UCP3: variants seen among roughly 807,000 people sequenced by gnomAD.
UCP3 encodes putative mitochondrial transporter UCP3.
A neutral mutation model predicts 28.1 loss-of-function variants in UCP3; 24 were observed. The observed-to-expected ratio is 0.85, with a 90% CI of 0.62 to 1.20. The LOEUF (loss-of-function observed/expected upper bound fraction) is 1.20. Ranked by LOEUF, UCP3 falls within the 50% of genes most tolerant of loss-of-function variation. The pLI, the probability that UCP3 is intolerant of heterozygous loss-of-function variation, is 0.00. For missense variants in UCP3, 397 were observed against 422.2 expected (o/e 0.94, Z 0.52); for synonymous variants, 184 against 171.2 (o/e 1.07, Z -0.59).
At position 74,003,881 on chromosome 11, in the gene UCP3, A is replaced by AC; in HGVS notation, c.769_770insG (p.Leu257ArgfsTer39). 6.2e-7 allele frequency: 1 copy of AC among 1,614,054 alleles called. No homozygotes were observed. The highest frequency in any genetic ancestry group is 1.3e-5 in the African/African-American group (1 of 75,010). Reference sequence around the variant, plus strand: ...GGCCACCATCTTTATCATACAGTCGAGGGGGCTGAAGTACTGGCCTGGAGG... The same window carrying AC: ...GGCCACCATCTTTATCATACAGTCGACGGGGGCTGAAGTACTGGCCTGGAGG... On this transcript the variant is annotated frameshift_variant, in exon 6 of 7. Transcript: ENST00000314032. LOFTEE classifies it high-confidence loss of function.
chr11:74,000,423 T>C lies in UCP3; in HGVS notation c.*989A>G, dbSNP rs1951613244. ...GCCCAACAATCCTTTGAGGTACTCA[T>C]GATTGAGCACGTGGTGGGGGGGGTG... On this transcript the variant is annotated 3_prime_UTR_variant, in exon 7 of 7. Transcript: ENST00000314032. 1.7e-5 allele frequency: 2 copies of C among 119,880 alleles called. No individual in the cohort carries two copies. The highest frequency in any genetic ancestry group is 6.2e-5 in the African/African-American group (2 of 32,426). The allele number at this position is 119,880 out of a possible 1,614,324, so 7.4% of individuals were successfully genotyped here. A position where few individuals can be genotyped will look rare whatever the true frequency, so the allele number is the denominator to read the frequency against.
At chr11:74,002,557 T>C (rs1015350120) in intron 6 of UCP3, among the ~76,000 whole-genome samples, 1 of 152,160 alleles carries the variant, frequency 6.6e-6, no homozygotes, top group African/African-American at 2.4e-5. Flanking sequence ...GGTGAGTTAA[T>C]GTTGGACAGC....
rs1951615814 is a variant in UCP3, at chr11:74,000,722, G to A, written c.*690C>T. The A allele has an allele frequency of 6.6e-6, 1 of 152,278 alleles. No homozygotes were observed. Among genetic ancestry groups the A allele is most frequent in the South Asian group, 2.1e-4 (1 of 4,826 alleles). The allele number at this position is 152,278 out of a possible 1,614,324, so 9.4% of individuals were successfully genotyped here. A position where few individuals can be genotyped will look rare whatever the true frequency, so the allele number is the denominator to read the frequency against. On this transcript the variant is annotated 3_prime_UTR_variant, in exon 7 of 7. Transcript: ENST00000314032. Reference sequence around the variant, plus strand: ...ACCCCTGGTGAGGTGGACAGGGAAGGGATGGCTCCCTCCATTTTGTAGGAA... The same window carrying A: ...ACCCCTGGTGAGGTGGACAGGGAAGAGATGGCTCCCTCCATTTTGTAGGAA...
At chr11:74,004,056 C>T (rs1158196701) in intron 5 of UCP3, 49 bp from the exon 6 acceptor site, 2 of 1,604,396 alleles carry the variant, frequency 1.2e-6, no homozygotes, top group African/African-American at 1.3e-5. Context: ...TGTGTTCTGT[C>T]CATATGTATG....
chr11:74,002,114 G>A (rs1211506543), intron 6 of UCP3: 2 of 155,892 alleles, frequency 1.3e-5, no homozygotes, highest in Admixed American at 6.3e-5. Flanking sequence ...AAGCCCACGA[G>A]CTGGCCCCTG....
chr11:74,007,561 A>G (rs1231426046), intron 1 of UCP3, among the ~76,000 whole-genome samples: 2 of 152,118 alleles, frequency 1.3e-5, no homozygotes, highest in African/African-American at 4.8e-5. Flanking sequence ...CCTCCCGAGT[A>G]GCTGGGACTA....
Position 74,001,331 on chromosome 11 carries a change from C to T in UCP3, c.*81G>A. The T allele has an allele frequency of 7.8e-7, 1 of 1,282,492 alleles. No homozygotes were observed. Among genetic ancestry groups the T allele is most frequent in the Non-Finnish European group, 1.1e-6 (1 of 885,998 alleles). The allele number at this position is 1,282,492 out of a possible 1,614,324, so 79.4% of individuals were successfully genotyped here. On this transcript the variant is annotated 3_prime_UTR_variant, in exon 7 of 7. Coordinates refer to ENST00000314032, the MANE Select transcript of UCP3 (RefSeq NM_003356.4). ...CTGTAAACATGTGTGGGTCTGTGTCCATGTGTGCGTGGATGCACCGTTTTC... is the reference window on the plus strand; with the variant it reads ...CTGTAAACATGTGTGGGTCTGTGTCTATGTGTGCGTGGATGCACCGTTTTC...
At position 74,004,543 on chromosome 11, in the gene UCP3, G is replaced by T. The variant is rs752571562; in HGVS notation, c.584C>A (p.Ala195Asp). 3 of 1,614,074 alleles carry T rather than the reference G, an allele frequency of 1.9e-6. No homozygotes were observed. In the East Asian group the frequency reaches 6.7e-5, roughly 36 times the overall value. The change falls in exon 5 of 7, where the codon GCT becomes GAT. Residue 195 changes from alanine (A) to aspartate (D), a missense_variant. By Grantham distance (126) the Ala-to-Asp change is moderately radical. Transcript: ENST00000314032. ...GAGGATGTCGTAGGTCACCACCTCA[G>T]CACAGTTGACGATAGCATTCCTCAT... ...NIMRNAIVNC[A>D]EVVTYDILKE... is the part of the protein sequence containing the mutation.
At chr11:74,002,844 T>C (rs546729912) in intron 6 of UCP3, 1 of 985,464 alleles carries the variant, frequency 1.0e-6, no homozygotes, top group African/African-American at 1.7e-5. Context: ...TTGGGTCCAT[T>C]CTAACACTGG....
chr11:74,008,105 T>C (rs529845110), intron 1 of UCP3, among the ~76,000 whole-genome samples: 52 of 152,324 alleles, frequency 3.4e-4, no homozygotes, highest in African/African-American at 1.2e-3. Context: ...GTTGCTATTA[T>C]TATTCTCATT....
chr11:74,004,374 C>G, intron 5 of UCP3, 110 bp downstream of exon 5: 2 of 1,001,282 alleles, frequency 2.0e-6, no homozygotes, highest in Non-Finnish European at 3.0e-6. Flanking sequence ...CACTGCTTCT[C>G]TCTCTGCTCC....
chr11:74,004,123 T>C, intron 5 of UCP3, 116 bp from the exon 6 acceptor site: 1 of 1,508,704 alleles, frequency 6.6e-7, no homozygotes, highest in Non-Finnish European at 9.0e-7. Flanking sequence ...GTATTTTCCA[T>C]ATCTCTCACA....
chr11:74,007,055 C>T lies in UCP3; in HGVS notation c.-13G>A, dbSNP rs1225715414. ...TCAGTCCAACCATAGTCCTGGAAGG[C>T]TCTGCCCAGTCCCTTTAGGGCCGAG... On this transcript the variant is annotated 5_prime_UTR_variant, in exon 2 of 7. Coordinates refer to ENST00000314032, the MANE Select transcript of UCP3 (RefSeq NM_003356.4). 1.1e-5 allele frequency: 18 copies of T among 1,613,676 alleles called. No homozygotes were observed. Among genetic ancestry groups the T allele is most frequent in the Non-Finnish European group, 1.4e-5 (17 of 1,180,006 alleles).
rs1277756503 is a variant in UCP3, at chr11:74,003,889, G to A, written c.762C>T (p.Phe254=). 2 of 1,614,158 alleles carry A rather than the reference G, an allele frequency of 1.2e-6. No individual in the cohort carries two copies. Among genetic ancestry groups the A allele is most frequent in the Non-Finnish European group, 1.7e-6 (2 of 1,180,040 alleles). The change falls in exon 6 of 7, where the codon TTC becomes TTT. Residue 254 remains phenylalanine, a synonymous_variant. Transcript: ENST00000314032. ...TCTTTATCATACAGTCGAGGGGGCT[G>A]AAGTACTGGCCTGGAGGTGAGTTCA... ...RYMNSPPGQY[F]SPLDCMIKMV...
At chr11:74,006,683 T>G (rs1951669687) in intron 2 of UCP3, among the ~76,000 whole-genome samples, 1 of 152,248 alleles carries the variant, frequency 6.6e-6, no homozygotes, top group Admixed American at 6.5e-5. Flanking sequence ...CACTGCATGC[T>G]TTACAAAGTA....
intron 4 of UCP3, 79 bp downstream of exon 4, chr11:74,005,651 C>G (rs1366295015): frequency 6.5e-7 from 1 of 1,530,768 alleles, no homozygotes; most frequent in Non-Finnish European, 9.0e-7. Flanking sequence ...GGAGTCCCCT[C>G]CTTACTGGGG....
At chr11:74,004,652 T>C (rs1359666218) in intron 4 of UCP3, 67 bp from the exon 5 acceptor site, 27 of 1,477,782 alleles carry the variant, frequency 1.8e-5, no homozygotes, top group Non-Finnish European at 6.6e-6. Flanking sequence ...ATGGGAGAAA[T>C]GGATGCCCTG....
chr11:74,005,858 T>C lies in UCP3; in HGVS notation c.413A>G (p.Asp138Gly), dbSNP rs765404524. ...AMAVTCAQPTDVVKVRFQASI... is the reference protein window; with the variant it reads ...AMAVTCAQPTGVVKVRFQASI... ...GGCCTGAAATCGGACCTTCACCACA[T>C]CTGTGGGCTGGGCACAGGTCACCGC... Residue 138 changes from aspartate (D) to glycine (G), a missense_variant, in exon 4 of 7, where the codon GAT (aspartate) becomes GGT (glycine). Physicochemically the swap from Asp to Gly is moderately conservative, Grantham distance 94. Coordinates refer to ENST00000314032, the MANE Select transcript of UCP3 (RefSeq NM_003356.4). 1.9e-6 allele frequency: 3 copies of C among 1,614,176 alleles called. No homozygotes were observed. The highest frequency in any genetic ancestry group is 2.2e-5 in the East Asian group (1 of 44,888).
chr11:74,004,437 C>A, intron 5 of UCP3, 47 bp downstream of exon 5: 3 of 1,582,920 alleles, frequency 1.9e-6, no homozygotes, highest in Non-Finnish European at 2.6e-6. Context: ...GTTCTGGGTT[C>A]CCTCCCTGCT....
Sources: allele counts gnomAD v4.1 joint callset (sites outside exome capture counted in the v4.1 genomes callset), GRCh38; gene constraint gnomAD v4.1.1; transcripts MANE v1.5; gene names NCBI Gene and HGNC (gene_info 2026-07-23, HGNC 2026-07-21).